MAU2: variants seen among roughly 807,000 people sequenced by gnomAD.
MAU2 encodes MAU2 chromatid cohesion factor homolog.
In MAU2, 9 loss-of-function variants were observed where a neutral mutation model predicts 89.1. That is an observed-to-expected ratio of 0.10 (90% CI 0.06 to 0.18). The LOEUF is 0.18. Among genes scored for constraint, MAU2 ranks in the 10% least tolerant of loss-of-function variants. The probability of loss-of-function intolerance (pLI) is 1.00; values close to 1 mark genes in which losing one functional copy is unlikely to be tolerated. For missense variants in MAU2, 425 were observed against 803.5 expected (o/e 0.53, Z 5.69); for synonymous variants, 357 against 343.4 (o/e 1.04, Z -0.44).
At chr19:19,323,413 C>A (rs1289890668) in intron 1 of MAU2, among the ~76,000 whole-genome samples, 1 of 152,060 alleles carries the variant, frequency 6.6e-6, no homozygotes, top group South Asian at 2.1e-4. Flanking sequence ...AGGCTGGTTT[C>A]GAACTCCTGA....
intron 3 of MAU2, 53 bp from the exon 4 acceptor site, chr19:19,337,117 C>T (rs1435660100): frequency 2.4e-6 from 3 of 1,274,670 alleles, no homozygotes; most frequent in Non-Finnish European, 3.2e-6. Flanking sequence ...AGCTTGATTG[C>T]CGCCTTGTTT....
At chr19:19,326,831 A>G (rs2146655239) in intron 1 of MAU2, among the ~76,000 whole-genome samples, 2 of 148,498 alleles carry the variant, frequency 1.3e-5, no homozygotes, top group South Asian at 4.3e-4. Flanking sequence ...AGTTGAGGCT[A>G]CAGTGAGCTG....
chr19:19,347,099 A>G, intron 12 of MAU2, 181 bp from the exon 13 acceptor site: 1 of 569,820 alleles, frequency 1.8e-6, no homozygotes, highest in East Asian at 2.9e-5. Context: ...TGATGGTTTT[A>G]TAATGAGAAG....
At chr19:19,322,520 G>A (rs1003262689) in intron 1 of MAU2, among the ~76,000 whole-genome samples, 10 of 152,208 alleles carry the variant, frequency 6.6e-5, no homozygotes, top group African/African-American at 2.4e-4. Context: ...GATCAGCTAA[G>A]CCCCGGGAGG....
At chr19:19,339,474 C>T (rs868499218) in intron 5 of MAU2, among the ~76,000 whole-genome samples, 11 of 151,290 alleles carry the variant, frequency 7.3e-5, no homozygotes, top group South Asian at 2.1e-4. Context: ...CACCATGAGG[C>T]GCGGGTTTGA....
Position 19,358,645 on chromosome 19 carries a change from AC to A in MAU2, c.*2864del, listed in dbSNP as rs1568673697. ...CTGGTGCTTTTACTTAGGGAAAAAA[AC>A]AATTTGTAAATACAGAACATTGTTT... On this transcript the variant is annotated 3_prime_UTR_variant, in exon 19 of 19. Coordinates refer to ENST00000262815, the MANE Select transcript of MAU2 (RefSeq NM_015329.4). 1 of 152,268 alleles carries A rather than the reference AC, an allele frequency of 6.6e-6. No individual in the cohort carries two copies. The highest frequency in any genetic ancestry group is 2.4e-5 in the African/African-American group (1 of 41,470). 9.4% of individuals were successfully genotyped at this position (152,268 alleles called of 1,614,324 possible). A position where few individuals can be genotyped will look rare whatever the true frequency, so the allele number is the denominator to read the frequency against.
intron 5 of MAU2, among the ~76,000 whole-genome samples, chr19:19,339,892 GGC>G (rs1384996774): frequency 3.3e-5 from 5 of 151,960 alleles, no homozygotes; most frequent in African/African-American, 1.2e-4. Context: ...GGCATGGCCG[GGC>G]GCAGTGGCTC....
chr19:19,336,956 T>C (rs1215318574), intron 3 of MAU2, among the ~76,000 whole-genome samples: 1 of 152,224 alleles, frequency 6.6e-6, no homozygotes, highest in African/African-American at 2.4e-5. Flanking sequence ...TGAGAAGTTA[T>C]TTTAAGAGTG....
chr19:19,348,717 T>A, intron 13 of MAU2, 172 bp from the exon 14 acceptor site: 1 of 724,072 alleles, frequency 1.4e-6, no homozygotes, highest in South Asian at 1.5e-5. Flanking sequence ...GTGGAAATCT[T>A]GCCCCCGGCC....
Position 19,342,768 on chromosome 19 carries a change from G to A in MAU2, c.883-8G>A, listed in dbSNP as rs572704160. On this transcript the variant is annotated splice_polypyrimidine_tract_variant and splice_region_variant and intron_variant, in intron 8 of 18. Coordinates refer to ENST00000262815, the MANE Select transcript of MAU2 (RefSeq NM_015329.4). ...CTGGTAACCCCTGCTGTCTGGTCTT[G>A]TCGCTAGGTGACTGTGATGCACTCC... is the stretch of plus-strand genomic sequence containing the variant. 6.2e-7 allele frequency: 1 copy of A among 1,614,024 alleles called. No individual in the cohort carries two copies. Among genetic ancestry groups the A allele is most frequent in the African/African-American group, 1.3e-5 (1 of 75,050 alleles).
At chr19:19,336,059 C>T in intron 2 of MAU2, 63 bp from the exon 3 acceptor site, 9 of 1,189,540 alleles carry the variant, frequency 7.6e-6, no homozygotes, top group Non-Finnish European at 1.3e-6. Context: ...GAGCCCCAAG[C>T]TGTGGCCCTT....
rs142855586 is a variant in MAU2 at position 19,344,571 on chromosome 19, G to A, written c.1078-278G>A. 7.4e-4 allele frequency: 396 copies of A among 537,354 alleles called. 1 individual carries two copies. Among genetic ancestry groups the A allele is most frequent in the African/African-American group, 6.0e-3 (319 of 53,048 alleles). 33.3% of individuals were successfully genotyped at this position (537,354 alleles called of 1,614,324 possible). A position where few individuals can be genotyped will look rare whatever the true frequency, so the allele number is the denominator to read the frequency against. ...CTCTACCCCCAGTACCCACCCTCCT[G>A]AGAGGGCATGGGGGCCCTCAGTAGG... is the stretch of plus-strand genomic sequence containing the variant. On this transcript the variant is annotated intron_variant, in intron 10 of 18. Coordinates refer to ENST00000262815, the MANE Select transcript of MAU2 (RefSeq NM_015329.4).
intron 1 of MAU2, among the ~76,000 whole-genome samples, chr19:19,335,460 GTGCGA>G (rs1599901674): frequency 6.6e-6 from 1 of 152,158 alleles, no homozygotes; most frequent in East Asian, 1.9e-4. Flanking sequence ...CTGACTCCAA[GTGCGA>G]GCCCCTCCTC....
At chr19:19,347,252 C>T (rs372917705) in intron 12 of MAU2, 28 bp from the exon 13 acceptor site, 1 of 1,531,342 alleles carries the variant, frequency 6.5e-7, no homozygotes, top group Admixed American at 1.7e-5. Flanking sequence ...CCGACCCAGC[C>T]CCCTAATGTC....
At position 19,320,926 on chromosome 19, in the gene MAU2, G is replaced by C. The variant is rs2061447027; in HGVS notation, c.67G>C (p.Asp23His). The C allele has an allele frequency of 1.3e-6, 2 of 1,565,338 alleles. No individual in the cohort carries two copies. Among genetic ancestry groups the C allele is most frequent in the Non-Finnish European group, 1.7e-6 (2 of 1,156,224 alleles). ...CCAGGCTGCGCAGGCCGAGGCGGCC[G>C]ACTCGTGGTACCTGGCGCTTCTGGG... ...AAQAAQAEAADSWYLALLGFA... is the reference protein window; with the variant it reads ...AAQAAQAEAAHSWYLALLGFA... Residue 23 changes from aspartate to histidine, a missense_variant, in exon 1 of 19, where the codon GAC (aspartate) becomes CAC (histidine). By Grantham distance (81) the Asp-to-His change is moderately conservative. This residue lies in a region of MAU2 where 61 missense variants were observed against 40.1 expected (regional missense o/e 1.52). Transcript: ENST00000262815.
intron 1 of MAU2, chr19:19,334,320 G>C: frequency 3.0e-6 from 3 of 985,588 alleles, no homozygotes; most frequent in Non-Finnish European, 3.6e-6. Flanking sequence ...AGGGCCTGTG[G>C]TCTGGGCTCC....
At chr19:19,344,337 A>T in intron 10 of MAU2, 1 of 241,248 alleles carries the variant, frequency 4.1e-6, no homozygotes, top group Non-Finnish European at 8.3e-6. Flanking sequence ...GCCTGAACCC[A>T]GGAGGCAGAG....
At chr19:19,349,459 C>T (rs2061723481) in intron 16 of MAU2, 23 bp downstream of exon 16, 1 of 1,603,206 alleles carries the variant, frequency 6.2e-7, no homozygotes, top group East Asian at 2.2e-5. Flanking sequence ...GCCTGGGCCC[C>T]TCGCTTGGGT....
intron 12 of MAU2, 87 bp from the exon 13 acceptor site, chr19:19,347,193 C>A: frequency 1.2e-6 from 1 of 805,368 alleles, no homozygotes; most frequent in Non-Finnish European, 2.2e-6. Context: ...CCAAAGTAGT[C>A]TCCGTGGAGA....
Sources: gnomAD v4.1 joint callset for allele counts (sites outside exome capture counted in the v4.1 genomes callset) on GRCh38, gnomAD v4.1.1 for gene constraint, gnomAD v4.1.1 regional missense constraint, MANE v1.5 for transcripts, NCBI Gene and HGNC (gene_info 2026-07-23, HGNC 2026-07-21) for gene names.